The following PCNT variants were observed in gnomAD, a reference collection of about 807,000 sequenced individuals.
PCNT encodes pericentrin, also known as kendrin.
Under a neutral mutation model 380.4 loss-of-function variants are expected in PCNT, and 319 were observed. The ratio of observed to expected loss-of-function variants is 0.84; its 90% CI spans 0.77 to 0.92. The LOEUF is 0.92. PCNT is among the 40% of genes least tolerant of loss of function. PCNT has a pLI of 0.00. For synonymous variants in PCNT, 1,845 were observed against 1,735.2 expected (o/e 1.06, Z -1.57); for missense variants, 4,400 against 4,255.3 (o/e 1.03, Z -0.95).
intron 15 of PCNT, among the ~76,000 whole-genome samples, chr21:46,378,417 T>TA (rs1051542478): frequency 6.6e-6 from 1 of 152,184 alleles, no homozygotes; most frequent in Non-Finnish European, 1.5e-5. Flanking sequence ...TTGGGGCCGT[T>TA]ATTAAATGAA....
chr21:46,400,346 C>T (rs1293472330), intron 25 of PCNT, among the ~76,000 whole-genome samples: 1 of 152,080 alleles, frequency 6.6e-6, no homozygotes, highest in African/African-American at 2.4e-5. Flanking sequence ...TTCTGGGTAG[C>T]GGCTGTGCCC....
At chr21:46,386,101 CT>C in intron 17 of PCNT, 118 bp downstream of exon 17, 2 of 1,212,072 alleles carry the variant, frequency 1.7e-6, no homozygotes, top group South Asian at 2.4e-5. Context: ...TGCACGCTGG[CT>C]CCTGGTGGAC....
At chr21:46,444,057 A>G in intron 45 of PCNT, 109 bp downstream of exon 45, 1 of 1,209,168 alleles carries the variant, frequency 8.3e-7, no homozygotes, top group Non-Finnish European at 1.1e-6. Flanking sequence ...AGCCCAGGGC[A>G]AGGCAGGAAA....
intron 2 of PCNT, among the ~76,000 whole-genome samples, chr21:46,334,068 G>A (rs1280992747): frequency 1.3e-5 from 2 of 152,028 alleles, no homozygotes; most frequent in Admixed American, 6.6e-5. Flanking sequence ...AGCTGGGCGT[G>A]GTGGCGGGCA....
In PCNT at chr21:46,391,265, A is replaced by G; in HGVS notation, c.4105A>G (p.Arg1369Gly). The change falls in exon 21 of 47, where the codon AGA becomes GGA. Residue 1369 changes from arginine (R) to glycine (G), a missense_variant. Coordinates refer to ENST00000359568, the MANE Select transcript of PCNT (RefSeq NM_006031.6). ...TCTGGTGCTGGAGCTGGAGAGCCTG[A>G]GACGGCAGCTGCAGCAGGCGGCCCA... ...HRLVLELESL[R>G]RQLQQAAQEQ... is the part of the protein sequence containing the mutation. The G allele has an allele frequency of 6.3e-7, 1 of 1,598,968 alleles. No individual in the cohort carries two copies.
Position 46,346,636 on chromosome 21 carries a change from T to A in PCNT, c.721-107T>A, listed in dbSNP as rs180821740. 3 of 1,391,118 alleles carry A rather than the reference T, an allele frequency of 2.2e-6. No homozygotes were observed. The Admixed American group carries it at 5.9e-5, about 28-fold the overall frequency. 86.2% of individuals were successfully genotyped at this position (1,391,118 alleles called of 1,614,324 possible). A position where few individuals can be genotyped will look rare whatever the true frequency, so the allele number is the denominator to read the frequency against. ...CTGCTTCCACGGGATGTCTGCTGTT[T>A]CATTTTCTGTGTCTTCCTTACTCAT... On this transcript the variant is annotated intron_variant, in intron 4 of 46. Transcript: ENST00000359568.
At chr21:46,328,478 T>G (rs1019893908) in intron 2 of PCNT, among the ~76,000 whole-genome samples, 2 of 152,146 alleles carry the variant, frequency 1.3e-5, no homozygotes, top group African/African-American at 4.8e-5. Flanking sequence ...TGGTTTTTTT[T>G]GAAATGGAGT....
At position 46,413,105 on chromosome 21, in the gene PCNT, G is replaced by A. The variant is rs1156886611; in HGVS notation, c.6150+113G>A. The A allele has an allele frequency of 1.3e-5, 7 of 529,598 alleles. No homozygotes were observed. In the East Asian group the frequency reaches 1.8e-4, roughly 14 times the overall value. The allele number at this position is 529,598 out of a possible 1,614,324, so 32.8% of individuals were successfully genotyped here. On this transcript the variant is annotated intron_variant, in intron 29 of 46. Coordinates refer to ENST00000359568, the MANE Select transcript of PCNT (RefSeq NM_006031.6). ...CCACCCGGGAGAGGCTGGACACGCG[G>A]CAGCAAGGTGTGGGGAGCGGGGAAG...
In PCNT at chr21:46,428,496, C is replaced by T. The variant is rs2087604880; in HGVS notation, c.7596C>T (p.His2532=). ...QALRAQLRMT[H]LQNQEKLQHL... is the part of the protein sequence containing the mutation. ...TGCGTGCCCAGCTGCGCATGACGCA[C>T]CTGCAGAACCAGGAGAAGCTGCAGC... The change falls in exon 35 of 47, where the codon CAC becomes CAT. Residue 2532 remains histidine (H), a synonymous_variant. Coordinates refer to ENST00000359568, the MANE Select transcript of PCNT (RefSeq NM_006031.6). 1 of 1,612,286 alleles carries T rather than the reference C, an allele frequency of 6.2e-7. No individual in the cohort carries two copies.
intron 33 of PCNT, 121 bp from the exon 34 acceptor site, chr21:46,427,501 T>C: frequency 9.3e-7 from 1 of 1,074,886 alleles, no homozygotes; most frequent in Non-Finnish European, 1.4e-6. Context: ...TTAAGAGGCC[T>C]CATTTACCCT....
At chr21:46,358,981 T>G (rs1166252292) in intron 13 of PCNT, among the ~76,000 whole-genome samples, 1 of 151,820 alleles carries the variant, frequency 6.6e-6, no homozygotes, top group East Asian at 1.9e-4. Context: ...TTTTTTTTTT[T>G]GTATCTTTAG....
In PCNT at chr21:46,408,719, GTT is replaced by G. The variant is rs34814770; in HGVS notation, c.5116-2450_5116-2449del. On this transcript the variant is annotated intron_variant, in intron 27 of 46. Coordinates refer to ENST00000359568, the MANE Select transcript of PCNT (RefSeq NM_006031.6). The stretch of plus-strand genomic sequence containing the variant: ...AATGTTTGCTTAAGTCTTTCAGAAA[GTT>G]TTTTTTTTTTTTTTTTTTTGAGACA... 9.4e-3 allele frequency among the ~76,000 whole-genome samples: 1,034 copies of G among 110,558 alleles called. 5 individuals are homozygous for G. Among genetic ancestry groups the G allele is most frequent in the African/African-American group, 0.034 (948 of 27,686 alleles). The allele number at this position is 110,558 out of a possible 152,430, so 72.5% of individuals were successfully genotyped here. A position where few individuals can be genotyped will look rare whatever the true frequency, so the allele number is the denominator to read the frequency against.
intron 3 of PCNT, among the ~76,000 whole-genome samples, chr21:46,339,392 G>C (rs1355949567): frequency 6.6e-6 from 1 of 152,186 alleles, no homozygotes; most frequent in Non-Finnish European, 1.5e-5. Context: ...TCTTTAGAGG[G>C]ACAGAACTAA....
At chr21:46,362,990 G>A (rs1191159279) in intron 13 of PCNT, among the ~76,000 whole-genome samples, 4 of 152,166 alleles carry the variant, frequency 2.6e-5, no homozygotes, top group Non-Finnish European at 5.9e-5. Context: ...TCATTGTCCT[G>A]GCGTTGACCT....
At position 46,365,348 on chromosome 21, in the gene PCNT, T is replaced by C. The variant is rs79258481; in HGVS notation, c.2610-1236T>C. ...TTCTATTCACTGCCATGGGGTTCTATTCACTGCCGTGGGGTTCTGATCACT... is the reference window on the plus strand; with the variant it reads ...TTCTATTCACTGCCATGGGGTTCTACTCACTGCCGTGGGGTTCTGATCACT... On this transcript the variant is annotated intron_variant, in intron 14 of 46. Transcript: ENST00000359568. Among the ~76,000 whole-genome samples the C allele has an allele frequency of 4.7e-4, 34 of 72,880 alleles. 3 individuals are homozygous for C. The highest frequency in any genetic ancestry group is 1.1e-3 in the Non-Finnish European group (32 of 30,256). The allele number at this position is 72,880 out of a possible 152,430, so 47.8% of individuals were successfully genotyped here. A position where few individuals can be genotyped will look rare whatever the true frequency, so the allele number is the denominator to read the frequency against.
At chr21:46,383,254 A>G (rs527537625) in intron 16 of PCNT, among the ~76,000 whole-genome samples, 9 of 146,782 alleles carry the variant, frequency 6.1e-5, no homozygotes, top group Non-Finnish European at 1.4e-4. Flanking sequence ...TTGTATATTC[A>G]GTGATGGAAG....
At chr21:46,432,601 A>C (rs2087815315) in intron 38 of PCNT, among the ~76,000 whole-genome samples, 1 of 152,162 alleles carries the variant, frequency 6.6e-6, no homozygotes, top group Non-Finnish European at 1.5e-5. Context: ...CTTTTGATCC[A>C]CGATTACAGA....
intron 21 of PCNT, among the ~76,000 whole-genome samples, chr21:46,393,641 G>T (rs770641318): frequency 3.9e-5 from 6 of 152,218 alleles, no homozygotes; most frequent in Non-Finnish European, 5.9e-5. Flanking sequence ...GGGGTGTGTG[G>T]CCTGCATTCT....
At chr21:46,375,778 C>T (rs1333140148) in intron 15 of PCNT, among the ~76,000 whole-genome samples, 5 of 152,378 alleles carry the variant, frequency 3.3e-5, no homozygotes, top group Non-Finnish European at 7.3e-5. Flanking sequence ...GGCTGTCCCC[C>T]CGCGGGGAGC....
Sources: allele counts gnomAD v4.1 joint callset (sites outside exome capture counted in the v4.1 genomes callset), GRCh38; gene constraint gnomAD v4.1.1; transcripts MANE v1.5; gene names NCBI Gene and HGNC (gene_info 2026-07-23, HGNC 2026-07-21).